The following PTPRN2 variants were observed in gnomAD, a reference collection of about 807,000 sequenced individuals.
PTPRN2 encodes the protein receptor-type tyrosine-protein phosphatase N2.
Under a neutral mutation model 118.8 loss-of-function variants are expected in PTPRN2, and 74 were observed. The ratio of observed to expected loss-of-function variants is 0.62; its 90% CI spans 0.52 to 0.76. The LOEUF (loss-of-function observed/expected upper bound fraction) is 0.76. Ranked by LOEUF, PTPRN2 falls within the 30% of genes least tolerant of loss-of-function variation. The pLI, the probability that PTPRN2 is intolerant of heterozygous loss-of-function variation, is 0.00. For synonymous variants in PTPRN2, 641 were observed against 608.0 expected (o/e 1.05, Z -0.80); for missense variants, 1,481 against 1,394.4 (o/e 1.06, Z -0.99).
intron 3 of PTPRN2, among the ~76,000 whole-genome samples, chr7:158,228,796 C>A (rs1035805021): frequency 6.6e-6 from 1 of 152,108 alleles, no homozygotes; most frequent in Non-Finnish European, 1.5e-5. Context: ...ATCAGCTTCT[C>A]CAACCTCTTG....
rs1170539024 is a variant in PTPRN2, at chr7:157,627,681, C to T, written c.2197-6172G>A. Among the ~76,000 whole-genome samples, 6 of 152,158 alleles carry T rather than the reference C, an allele frequency of 3.9e-5. No individual in the cohort carries two copies. In the East Asian group the frequency reaches 5.8e-4, roughly 15 times the overall value. On this transcript the variant is annotated intron_variant, in intron 14 of 22. Coordinates refer to ENST00000389418, the MANE Select transcript of PTPRN2 (RefSeq NM_002847.5). The surrounding 1 kb of genome is among the most constrained non-coding windows in gnomAD (Gnocchi z 4.2). ...GCCCTGAGTGAAAAGGTGTCTCCAA[C>T]CTTCTCAAATTCTCATACTTCCTGA...
chr7:158,192,993 A>T (rs1478088825), intron 4 of PTPRN2, among the ~76,000 whole-genome samples: 1 of 152,212 alleles, frequency 6.6e-6, no homozygotes, highest in African/African-American at 2.4e-5. Flanking sequence ...GCATTGTTTT[A>T]GGCCTTAGGT....
intron 3 of PTPRN2, among the ~76,000 whole-genome samples, chr7:158,277,248 G>A (rs35913897): frequency 0.042 from 6,435 of 152,318 alleles, 173 homozygotes; most frequent in Middle Eastern, 0.061. Flanking sequence ...ACGGCAGCCT[G>A]TGCGAATCGG....
At chr7:157,699,235 G>A (rs1254968007) in intron 12 of PTPRN2, among the ~76,000 whole-genome samples, 3 of 152,188 alleles carry the variant, frequency 2.0e-5, no homozygotes, top group Admixed American at 6.5e-5. Context: ...ATATTTTAAT[G>A]TATGAAAATA....
Position 158,138,519 on chromosome 7 carries a change from G to A in PTPRN2, c.911-4C>T. 1 of 1,609,426 alleles carries A rather than the reference G, an allele frequency of 6.2e-7. No homozygotes were observed. The highest frequency in any genetic ancestry group is 8.5e-7 in the Non-Finnish European group (1 of 1,179,364). ...AGGAGGGTATGAATCCGTGCTCCTA[G>A]GGGCACACACACAAACACAAGGACG... On this transcript the variant is annotated splice_polypyrimidine_tract_variant and splice_region_variant and intron_variant, in intron 6 of 22. Coordinates refer to ENST00000389418, the MANE Select transcript of PTPRN2 (RefSeq NM_002847.5).
rs1015668612 is a variant in PTPRN2 at position 157,692,194 on chromosome 7, G to A, written c.1789-9257C>T. Among the ~76,000 whole-genome samples, 8 of 152,046 alleles carry A rather than the reference G, an allele frequency of 5.3e-5. No individual in the cohort carries two copies. The South Asian group carries it at 1.5e-3, about 28-fold the overall frequency. The stretch of plus-strand genomic sequence containing the variant: ...TTGTTCCCTGCGCCCGGGACAGCTG[G>A]AGACGGCGGCCCGCGCCACTCGACG... On this transcript the variant is annotated intron_variant, in intron 12 of 22. Transcript: ENST00000389418.
rs939400904 is a variant in PTPRN2, at chr7:157,739,020, T to C, written c.1789-56083A>G. The C allele has an allele frequency of 3.0e-4, 46 of 152,196 alleles. 1 individual carries two copies. Among genetic ancestry groups the C allele is most frequent in the African/African-American group, 1.1e-3 (46 of 41,440 alleles). 9.4% of individuals were successfully genotyped at this position (152,196 alleles called of 1,614,324 possible). A position where few individuals can be genotyped will look rare whatever the true frequency, so the allele number is the denominator to read the frequency against. On this transcript the variant is annotated intron_variant, in intron 12 of 22. Transcript: ENST00000389418. ...TCTTCATAGGCTCCTGCAATTCAGA[T>C]AGTATCTTTATTCCAAGGAGCTTTG... is the stretch of plus-strand genomic sequence containing the variant.
At chr7:157,920,578 G>A (rs1182117634) in intron 11 of PTPRN2, among the ~76,000 whole-genome samples, 2 of 152,212 alleles carry the variant, frequency 1.3e-5, no homozygotes, top group Non-Finnish European at 2.9e-5. Context: ...CAAACCACTT[G>A]TGTTTTATCA....
At chr7:157,976,088 A>G (rs557844889) in intron 11 of PTPRN2, among the ~76,000 whole-genome samples, 67 of 152,326 alleles carry the variant, frequency 4.4e-4, no homozygotes, top group African/African-American at 1.5e-3. Flanking sequence ...GCACAAGGTG[A>G]GCTGGAAGCA....
intron 3 of PTPRN2, among the ~76,000 whole-genome samples, chr7:158,314,892 TAAGGACAGAGGTGAACCCGGGACGCCCTC>T (rs1802172741): frequency 1.2e-5 from 1 of 80,094 alleles, no homozygotes; most frequent in Non-Finnish European, 2.6e-5. Flanking sequence ...GGGACCCCCT[TAAGGACAGAGGTGAACCCGGGACGCCCTC>T]AAGGACAGAG....
At chr7:158,279,884 C>T (rs1158442390) in intron 3 of PTPRN2, among the ~76,000 whole-genome samples, 1 of 152,320 alleles carries the variant, frequency 6.6e-6, no homozygotes, top group East Asian at 1.9e-4. Context: ...ACGTTATCAC[C>T]TCTCAATGTG....
chr7:157,778,769 G>A (rs28448886), intron 12 of PTPRN2, among the ~76,000 whole-genome samples: 37,887 of 150,468 alleles, frequency 0.25, 8,456 homozygotes, highest in African/African-American at 0.6. Context: ...ACGTGAATAC[G>A]GGTGCCGAAT....
intron 11 of PTPRN2, among the ~76,000 whole-genome samples, chr7:157,993,563 G>T (rs1009482120): frequency 6.6e-6 from 1 of 152,144 alleles, no homozygotes; most frequent in African/African-American, 2.4e-5. Context: ...GGTGGCGATC[G>T]GAATCATCTG....
chr7:158,063,228 A>C (rs1461930732), intron 11 of PTPRN2, among the ~76,000 whole-genome samples: 1 of 151,908 alleles, frequency 6.6e-6, no homozygotes, highest in Non-Finnish European at 1.5e-5. Context: ...ATTTATGTCT[A>C]GCTAAGGGAC....
intron 3 of PTPRN2, among the ~76,000 whole-genome samples, chr7:158,297,016 T>A (rs1800551585): frequency 6.6e-6 from 1 of 152,192 alleles, no homozygotes; most frequent in African/African-American, 2.4e-5. Flanking sequence ...GGGGCAACAT[T>A]TGGAATGTCC....
At chr7:157,688,883 T>C (rs1484161128) in intron 12 of PTPRN2, among the ~76,000 whole-genome samples, 1 of 149,890 alleles carries the variant, frequency 6.7e-6, no homozygotes, top group Non-Finnish European at 1.5e-5. Context: ...CCCACAGGAG[T>C]CATAAAGATC....
chr7:157,677,820 C>T (rs6459802), intron 13 of PTPRN2, among the ~76,000 whole-genome samples: 19,571 of 152,188 alleles, frequency 0.13, 1,439 homozygotes, highest in African/African-American at 0.19. Flanking sequence ...TTGGCACCAG[C>T]GTGACAACCA....
intron 12 of PTPRN2, among the ~76,000 whole-genome samples, chr7:157,733,271 C>CTT (rs201122638): frequency 3.4e-5 from 1 of 29,024 alleles, no homozygotes; most frequent in Non-Finnish European, 6.5e-5. Flanking sequence ...CACAGTTACT[C>CTT]TTCCGTCCCA....
At chr7:158,510,280 C>A (rs1329141710) in intron 1 of PTPRN2, among the ~76,000 whole-genome samples, 1 of 152,228 alleles carries the variant, frequency 6.6e-6, no homozygotes, top group African/African-American at 2.4e-5. Context: ...AATGACAGAA[C>A]AACTTAGAAG....
Sources: allele counts gnomAD v4.1 joint callset (sites outside exome capture counted in the v4.1 genomes callset), GRCh38; gene constraint gnomAD v4.1.1; non-coding constraint Gnocchi (gnomAD v3.1); transcripts MANE v1.5; gene names NCBI Gene and HGNC (gene_info 2026-07-23, HGNC 2026-07-21).